Variants in ANKIB1 observed in about 807,000 individuals in gnomAD.
The protein encoded by ANKIB1 is ankyrin repeat and IBR domain containing 1, also known as ankyrin repeat and IBR domain-containing protein 1.
A neutral mutation model predicts 122.1 loss-of-function variants in ANKIB1; 43 were observed. The ratio of observed to expected loss-of-function variants is 0.35; its 90% confidence interval spans 0.28 to 0.45. The LOEUF (loss-of-function observed/expected upper bound fraction) is 0.45. Ranked by LOEUF, ANKIB1 falls within the 20% of genes least tolerant of loss-of-function variation. ANKIB1 has a pLI of 1.00. For missense variants in ANKIB1, 992 were observed against 1,329.5 expected (o/e 0.75, Z 3.95); for synonymous variants, 390 against 442.0 (o/e 0.88, Z 1.48).
intron 11 of ANKIB1, 81 bp from the exon 12 acceptor site, chr7:92,386,428 T>C (rs1270883700): frequency 8.6e-6 from 12 of 1,393,618 alleles, no homozygotes; most frequent in South Asian, 1.6e-5. Flanking sequence ...ATTTAATCTT[T>C]ACAGATTGGT....
rs546250935 is a variant in ANKIB1, at chr7:92,344,109, C to T, written c.997-869C>T. 2.7e-5 allele frequency among the ~76,000 whole-genome samples: 4 copies of T among 150,464 alleles called. No homozygotes were observed. In the South Asian group the frequency reaches 8.4e-4, roughly 32 times the overall value. ...TATTGTTTAGAAGATACTAGGTAGG[C>T]GCAAAAGTGATTGCAGCTTTTGCTA... On this transcript the variant is annotated intron_variant, in intron 6 of 19. Transcript: ENST00000265742.
At chr7:92,348,142 T>G (rs1803579940) in intron 7 of ANKIB1, 1 of 285,166 alleles carries the variant, frequency 3.5e-6, no homozygotes, top group Non-Finnish European at 6.9e-6. Context: ...GATCCTGTCT[T>G]CAATGAGGTC....
At chr7:92,377,717 A>C (rs975962239) in intron 11 of ANKIB1, among the ~76,000 whole-genome samples, 2 of 152,224 alleles carry the variant, frequency 1.3e-5, no homozygotes, top group African/African-American at 2.4e-5. Context: ...TTGGATTTGA[A>C]GTGGATTGGC....
At chr7:92,381,066 C>T (rs1467616587) in intron 11 of ANKIB1, among the ~76,000 whole-genome samples, 1 of 152,092 alleles carries the variant, frequency 6.6e-6, no homozygotes, top group Non-Finnish European at 1.5e-5. Context: ...CCTTAAATGA[C>T]TTGATGGAGC....
intron 5 of ANKIB1, among the ~76,000 whole-genome samples, chr7:92,331,795 C>CA (rs1052468672): frequency 6.6e-6 from 1 of 151,624 alleles, no homozygotes; most frequent in African/African-American, 2.4e-5. Flanking sequence ...TAACTGCAAA[C>CA]AAAAAAAAGT....
chr7:92,320,872 C>T (rs975589620), intron 4 of ANKIB1, among the ~76,000 whole-genome samples: 2 of 152,084 alleles, frequency 1.3e-5, no homozygotes, highest in Non-Finnish European at 2.9e-5. Context: ...AAAATCCAAA[C>T]TGTTTGCTCA....
intron 12 of ANKIB1, among the ~76,000 whole-genome samples, chr7:92,386,966 C>T (rs1804666873): frequency 6.6e-6 from 1 of 152,108 alleles, no homozygotes; most frequent in Admixed American, 6.6e-5. Flanking sequence ...TTAGTCTGCT[C>T]AGCTGCCATA....
intron 11 of ANKIB1, among the ~76,000 whole-genome samples, chr7:92,382,318 TAGAC>T (rs1384942513): frequency 1.3e-5 from 2 of 152,144 alleles, no homozygotes; most frequent in Non-Finnish European, 2.9e-5. Context: ...CTGTCAATAT[TAGAC>T]AGATAAACGA....
At chr7:92,277,776 T>A (rs977140360) in intron 1 of ANKIB1, among the ~76,000 whole-genome samples, 1 of 151,620 alleles carries the variant, frequency 6.6e-6, no homozygotes, top group South Asian at 2.1e-4. Context: ...GGGAGACCTC[T>A]TCTCTACTAA....
intron 11 of ANKIB1, among the ~76,000 whole-genome samples, chr7:92,377,516 G>C (rs1013128334): frequency 2.0e-5 from 3 of 152,138 alleles, no homozygotes; most frequent in Admixed American, 1.3e-4. Context: ...TTGGAAAAAT[G>C]ACCAGTAGAC....
intron 2 of ANKIB1, among the ~76,000 whole-genome samples, chr7:92,299,812 TG>T (rs1361454311): frequency 6.6e-6 from 1 of 151,238 alleles, no homozygotes; most frequent in African/African-American, 2.5e-5. Flanking sequence ...ACAGTAATTT[TG>T]TTTTTTTTTC....
At chr7:92,282,278 C>G (rs1487093490) in intron 1 of ANKIB1, among the ~76,000 whole-genome samples, 2 of 152,034 alleles carry the variant, frequency 1.3e-5, no homozygotes, top group African/African-American at 4.8e-5. Context: ...CTCAGCCTCC[C>G]AAGTAGCTGG....
chr7:92,336,020 A>G (rs564004673), intron 5 of ANKIB1, among the ~76,000 whole-genome samples: 1 of 152,126 alleles, frequency 6.6e-6, no homozygotes, highest in African/African-American at 2.4e-5. Flanking sequence ...GTGTAGTACC[A>G]CTTCCCATAA....
At chr7:92,293,387 G>T (rs1021260506) in intron 1 of ANKIB1, among the ~76,000 whole-genome samples, 1 of 152,056 alleles carries the variant, frequency 6.6e-6, no homozygotes, top group Non-Finnish European at 1.5e-5. Flanking sequence ...ATGAGATCTG[G>T]CTCTGTTGCC....
At chr7:92,393,370 T>C (rs897446150) in intron 17 of ANKIB1, among the ~76,000 whole-genome samples, 2 of 152,094 alleles carry the variant, frequency 1.3e-5, no homozygotes, top group African/African-American at 4.8e-5. Context: ...GAAATTTTTA[T>C]TTTAAAACTA....
At chr7:92,293,718 C>T (rs1802295597) in intron 1 of ANKIB1, among the ~76,000 whole-genome samples, 1 of 152,176 alleles carries the variant, frequency 6.6e-6, no homozygotes, top group African/African-American at 2.4e-5. Context: ...TGGTCCCAAC[C>T]TATTTTTTCT....
intron 4 of ANKIB1, among the ~76,000 whole-genome samples, chr7:92,325,611 T>G (rs1803009846): frequency 6.6e-6 from 1 of 152,114 alleles, no homozygotes; most frequent in South Asian, 2.1e-4. Flanking sequence ...ACAGTTACTT[T>G]TGGGTAAATA....
chr7:92,273,216 C>T (rs1801834199), intron 1 of ANKIB1, among the ~76,000 whole-genome samples: 1 of 152,110 alleles, frequency 6.6e-6, no homozygotes, highest in Admixed American at 6.5e-5. Flanking sequence ...TGAGCATGAA[C>T]AATGATAAAT....
chr7:92,333,865 G>T (rs562378853), intron 5 of ANKIB1, among the ~76,000 whole-genome samples: 1 of 152,066 alleles, frequency 6.6e-6, no homozygotes, highest in Non-Finnish European at 1.5e-5. Context: ...TTATTAAAAA[G>T]TAGCATAATG....
Sources: gnomAD v4.1 joint callset for allele counts (sites outside exome capture counted in the v4.1 genomes callset) on GRCh38, gnomAD v4.1.1 for gene constraint, MANE v1.5 for transcripts, NCBI Gene and HGNC (gene_info 2026-07-23, HGNC 2026-07-21) for gene names.